ANKS1B: variants seen among roughly 807,000 people sequenced by gnomAD.
ANKS1B encodes ankyrin repeat and sterile alpha motif domain containing 1B.
Under a neutral mutation model 148.3 loss-of-function variants are expected in ANKS1B, and 36 were observed. The observed-to-expected ratio is 0.24, with a 90% CI of 0.19 to 0.32. ANKS1B has a LOEUF of 0.32. ANKS1B is among the 10% of genes least tolerant of loss of function. The pLI is 1.00. For synonymous variants in ANKS1B, 542 were observed against 560.8 expected, an observed-to-expected ratio of 0.97 and a Z score of 0.47; for missense variants, 1,157 against 1,542.6, an observed-to-expected ratio of 0.75 and a Z score of 4.19.
chr12:98,751,285 A>T lies in ANKS1B; in HGVS notation c.3747+70T>A. 6.6e-7 allele frequency: 1 copy of T among 1,512,222 alleles called. No individual in the cohort carries two copies. Among genetic ancestry groups the T allele is most frequent in the Non-Finnish European group, 9.0e-7 (1 of 1,115,676 alleles). The allele number at this position is 1,512,222 out of a possible 1,614,324, so 93.7% of individuals were successfully genotyped here. A position where few individuals can be genotyped will look rare whatever the true frequency, so the allele number is the denominator to read the frequency against. ...GTTCTAATGGCACCCACACCACACAAGGGCCTGGTTAGCAGCCCCTTTTCC... is the reference window on the plus strand; with the variant it reads ...GTTCTAATGGCACCCACACCACACATGGGCCTGGTTAGCAGCCCCTTTTCC... On this transcript the variant is annotated intron_variant, in intron 26 of 26. Coordinates refer to ENST00000683438, the MANE Select transcript of ANKS1B (RefSeq NM_001352186.2). The surrounding 1 kb of genome is among the most constrained non-coding windows in gnomAD (Gnocchi z 4.3).
intron 9 of ANKS1B, among the ~76,000 whole-genome samples, chr12:99,580,239 C>G (rs61942126): frequency 0.022 from 3,411 of 152,150 alleles, 63 homozygotes; most frequent in Non-Finnish European, 0.037. Flanking sequence ...AATTACCTAC[C>G]AGGTACTATG....
intron 17 of ANKS1B, among the ~76,000 whole-genome samples, chr12:98,846,125 G>T (rs2099466277): frequency 6.6e-6 from 1 of 152,040 alleles, no homozygotes; most frequent in Admixed American, 6.6e-5. Flanking sequence ...TTGCATCTGA[G>T]TCATGCTCTG....
At chr12:99,085,497 C>T (rs2051388523) in intron 15 of ANKS1B, among the ~76,000 whole-genome samples, 1 of 151,954 alleles carries the variant, frequency 6.6e-6, no homozygotes, top group African/African-American at 2.4e-5. Context: ...CCCTTGATGA[C>T]AGATTTTGTG....
At position 99,353,812 on chromosome 12, in the gene ANKS1B, T is replaced by C. The variant is rs142949988; in HGVS notation, c.1756+45819A>G. Among the ~76,000 whole-genome samples, 6 of 152,124 alleles carry C rather than the reference T, an allele frequency of 3.9e-5. No homozygotes were observed. The South Asian group carries it at 8.3e-4, about 21-fold the overall frequency. Reference sequence around the variant, plus strand: ...AGAGGAACTGGGAAAGGATGGAATTTCTGTGTGATGTACTCACATTTTTCT... The same window carrying C: ...AGAGGAACTGGGAAAGGATGGAATTCCTGTGTGATGTACTCACATTTTTCT... On this transcript the variant is annotated intron_variant, in intron 12 of 26. Transcript: ENST00000683438.
rs181378107 is a variant in ANKS1B at position 99,440,313 on chromosome 12, G to A, written c.1575+3360C>T. ...AATTGTGAAAAACAAGATGTTTCAC[G>A]AGGAACTATTTTAAAAACAAAGCCA... On this transcript the variant is annotated intron_variant, in intron 11 of 26. Coordinates refer to ENST00000683438, the MANE Select transcript of ANKS1B (RefSeq NM_001352186.2). 4.0e-5 allele frequency among the ~76,000 whole-genome samples: 6 copies of A among 151,854 alleles called. No individual in the cohort carries two copies. In the East Asian group the frequency reaches 5.8e-4, roughly 15 times the overall value.
intron 17 of ANKS1B, among the ~76,000 whole-genome samples, chr12:98,886,211 G>A (rs1399846517): frequency 6.6e-6 from 1 of 152,140 alleles, no homozygotes; most frequent in East Asian, 1.9e-4. Flanking sequence ...ACAGAATAAT[G>A]AAGAAATCTG....
intron 14 of ANKS1B, among the ~76,000 whole-genome samples, chr12:99,221,201 A>C (rs1393647603): frequency 6.6e-6 from 1 of 151,970 alleles, no homozygotes; most frequent in Admixed American, 6.6e-5. Flanking sequence ...TTGGCCAGGC[A>C]TGGTGGCGGG....
chr12:99,845,486 T>C (rs533666120), intron 1 of ANKS1B, among the ~76,000 whole-genome samples: 2 of 152,262 alleles, frequency 1.3e-5, no homozygotes, highest in Non-Finnish European at 2.9e-5. Flanking sequence ...GAGATAATCA[T>C]GTGGTTTCTT....
intron 14 of ANKS1B, among the ~76,000 whole-genome samples, chr12:99,221,661 G>C (rs2085150869): frequency 1.3e-5 from 2 of 152,148 alleles, no homozygotes; most frequent in Non-Finnish European, 2.9e-5. Flanking sequence ...AAATATGTAA[G>C]TTCCAAAAAT....
chr12:99,218,653 T>G (rs1240731224), intron 14 of ANKS1B, among the ~76,000 whole-genome samples: 2 of 152,212 alleles, frequency 1.3e-5, no homozygotes, highest in Non-Finnish European at 1.5e-5. Flanking sequence ...AAACTGGGTT[T>G]GAATCTCACT....
intron 1 of ANKS1B, among the ~76,000 whole-genome samples, chr12:99,936,505 G>A (rs2094775072): frequency 6.6e-6 from 1 of 152,102 alleles, no homozygotes. Context: ...AATTACAGTT[G>A]CAACTGAGAA....
In ANKS1B at chr12:99,954,735, T is replaced by C. The variant is rs114325178; in HGVS notation, c.134+29369A>G. Among the ~76,000 whole-genome samples, 1,173 of 152,260 alleles carry C rather than the reference T, an allele frequency of 7.7e-3. 14 individuals carry two copies. Among genetic ancestry groups the C allele is most frequent in the African/African-American group, 0.027 (1,108 of 41,526 alleles). ...ACTTAGCAATGTCTAGAGATGATTT[T>C]TGGCATCCAGTGTGTACAGGCCAGG... On this transcript the variant is annotated intron_variant, in intron 1 of 26. Transcript: ENST00000683438.
chr12:99,060,716 G>T (rs1325572483), intron 16 of ANKS1B, among the ~76,000 whole-genome samples: 1 of 148,942 alleles, frequency 6.7e-6, no homozygotes, highest in African/African-American at 2.5e-5. Flanking sequence ...TATAGAGAGA[G>T]AGAGCCTGTC....
intron 24 of ANKS1B, 22 bp from the exon 25 acceptor site, chr12:98,773,201 A>G: frequency 1.3e-6 from 2 of 1,591,360 alleles, no homozygotes; most frequent in Non-Finnish European, 1.7e-6. Flanking sequence ...GACATAAATG[A>G]TCATTGTTTT....
Position 99,899,016 on chromosome 12 carries a change from T to C in ANKS1B, c.135-73627A>G, listed in dbSNP as rs539224784. ...AATGAAGTCAGAGAGATTAATAACT[T>C]TGCCAAGACTACAAATTAGTGGCAT... On this transcript the variant is annotated intron_variant, in intron 1 of 26. Coordinates refer to ENST00000683438, the MANE Select transcript of ANKS1B (RefSeq NM_001352186.2). Among the ~76,000 whole-genome samples, 5 of 152,330 alleles carry C rather than the reference T, an allele frequency of 3.3e-5. No individual in the cohort carries two copies. In the South Asian group the frequency reaches 1.0e-3, roughly 32 times the overall value.
chr12:99,894,341 A>G (rs998487273), intron 1 of ANKS1B, among the ~76,000 whole-genome samples: 1 of 144,654 alleles, frequency 6.9e-6, no homozygotes, highest in Non-Finnish European at 1.5e-5. Context: ...AAGAAAAGAA[A>G]AGAAAAGAAA....
rs142815913 is a variant in ANKS1B, at chr12:99,749,050, G to A, written c.1128+23872C>T. The stretch of plus-strand genomic sequence containing the variant: ...TCGTTACTCAAAGCTGATTTGTACT[G>A]ACCCTGTGGGACACAAGCCCATTTC... On this transcript the variant is annotated intron_variant, in intron 8 of 26. Coordinates refer to ENST00000683438, the MANE Select transcript of ANKS1B (RefSeq NM_001352186.2). Among the ~76,000 whole-genome samples the A allele has an allele frequency of 2.2e-4, 34 of 152,196 alleles. No individual in the cohort carries two copies. The East Asian group carries it at 6.2e-3, about 28-fold the overall frequency.
intron 9 of ANKS1B, among the ~76,000 whole-genome samples, chr12:99,636,110 A>G (rs1415172174): frequency 1.5e-4 from 23 of 152,124 alleles, no homozygotes; most frequent in Non-Finnish European, 1.3e-4. Context: ...ATACTTTTAA[A>G]ATATTTTTAA....
intron 12 of ANKS1B, among the ~76,000 whole-genome samples, chr12:99,393,531 T>A (rs1402929360): frequency 5.3e-5 from 8 of 152,254 alleles, no homozygotes; most frequent in African/African-American, 1.9e-4. Context: ...CAGTGAATGT[T>A]ATGTCTTTAG....
Sources: gnomAD v4.1 joint callset for allele counts (sites outside exome capture counted in the v4.1 genomes callset) on GRCh38, gnomAD v4.1.1 for gene constraint, Gnocchi (gnomAD v3.1) non-coding constraint, MANE v1.5 for transcripts, NCBI Gene and HGNC (gene_info 2026-07-23, HGNC 2026-07-21) for gene names.